WDR90: variants seen among roughly 807,000 people sequenced by gnomAD.
WDR90 encodes the protein WD repeat-containing protein 90.
A neutral mutation model predicts 195.2 loss-of-function variants in WDR90; 238 were observed. The ratio of observed to expected loss-of-function variants is 1.22; its 90% CI spans 1.10 to 1.36. The LOEUF (loss-of-function observed/expected upper bound fraction) is 1.36, where lower values mean the gene tolerates loss of function less well. WDR90 is among the 40% of genes most tolerant of loss of function. WDR90 has a pLI of 0.00. For synonymous variants in WDR90, 1,265 were observed against 1,052.4 expected (o/e 1.20, Z -3.91); for missense variants, 2,734 against 2,439.5 (o/e 1.12, Z -2.54).
rs2037688766 is a variant in WDR90, at chr16:653,644, C to T, written c.1353C>T (p.Ser451=). Residue 451 remains serine (S), a synonymous_variant, in exon 12 of 41, where the codon AGC becomes AGT. Coordinates refer to ENST00000293879, the MANE Select transcript of WDR90 (RefSeq NM_145294.5). ...QTGRCLCLFR[S]PMHVVCSLSF... ...GGCGGTGCTTGTGCCTGTTCCGGAG[C>T]CCAATGCACGTTGTCTGCTCTCTCA... 6.2e-7 allele frequency: 1 copy of T among 1,613,578 alleles called. No homozygotes were observed. The highest frequency in any genetic ancestry group is 8.5e-7 in the Non-Finnish European group (1 of 1,179,984).
intron 34 of WDR90, chr16:663,117 T>C (rs764041066): frequency 1.7e-6 from 1 of 590,326 alleles, no homozygotes; most frequent in South Asian, 1.7e-5. Context: ...TTTGTTTGTT[T>C]GTTTTTTGTT....
chr16:660,161 G>C lies in WDR90; in HGVS notation c.3288G>C (p.Lys1096Asn). The change falls in exon 27 of 41, where the codon AAG (lysine) becomes AAC (asparagine). Residue 1096 changes from lysine to asparagine, a missense_variant and splice_region_variant. Coordinates refer to ENST00000293879, the MANE Select transcript of WDR90 (RefSeq NM_145294.5). The stretch of plus-strand genomic sequence containing the variant: ...TCAGCTGCAGCCCCCACTCTGCCAA[G>C]GTGGGGAGTGGTTTCTGGGAGCCCT... ...ARVSCSPHSA[K>N]GTCPPPASGG... 2 of 1,516,376 alleles carry C rather than the reference G, an allele frequency of 1.3e-6. No homozygotes were observed. Among genetic ancestry groups the C allele is most frequent in the Non-Finnish European group, 1.8e-6 (2 of 1,126,006 alleles). The allele number at this position is 1,516,376 out of a possible 1,614,324, so 93.9% of individuals were successfully genotyped here.
In WDR90 at chr16:661,459, G is replaced by A. The variant is rs781122873; in HGVS notation, c.3631G>A (p.Ala1211Thr). ...TTTCCCCCATAGCACCACCGTGCTG[G>A]CCCTGGCCTTCTCACCAGATGACAG... is the stretch of plus-strand genomic sequence containing the variant. ...LIFPHSTTVL[A>T]LAFSPDDRLL... Residue 1211 changes from alanine (A) to threonine (T), a missense_variant, in exon 30 of 41, where the codon GCC (alanine) becomes ACC (threonine). Ala to Thr is a moderately conservative substitution (Grantham distance 58). Coordinates refer to ENST00000293879, the MANE Select transcript of WDR90 (RefSeq NM_145294.5). 3.7e-6 allele frequency: 6 copies of A among 1,611,590 alleles called. No homozygotes were observed. The highest frequency in any genetic ancestry group is 4.2e-6 in the Non-Finnish European group (5 of 1,179,240).
intron 3 of WDR90, 42 bp downstream of exon 3, chr16:650,209 C>T (rs781022691): frequency 1.9e-6 from 3 of 1,610,432 alleles, no homozygotes; most frequent in African/African-American, 1.3e-5. Context: ...AGCCCCGGCA[C>T]CCCTGCGGCC....
chr16:662,218 A>T lies in WDR90; in HGVS notation c.4034-2A>T. On this transcript the variant is annotated splice_acceptor_variant, in intron 32 of 40. Coordinates refer to ENST00000293879, the MANE Select transcript of WDR90 (RefSeq NM_145294.5). LOFTEE classifies it high-confidence loss of function. ...GCCCCTTATGGCTCCTCCTGCCCCTAGGGCTGTTGCTGTTCTCGGGTTCTC... is the reference window on the plus strand; with the variant it reads ...GCCCCTTATGGCTCCTCCTGCCCCTTGGGCTGTTGCTGTTCTCGGGTTCTC... The T allele has an allele frequency of 6.4e-7, 1 of 1,560,204 alleles. No individual in the cohort carries two copies.
intron 28 of WDR90, 61 bp from the exon 29 acceptor site, chr16:660,990 G>GC (rs1357713857): frequency 5.3e-3 from 116 of 21,722 alleles, no homozygotes; most frequent in South Asian, 0.017. Flanking sequence ...CCCTCCCCAG[G>GC]CCCCTCCCCG....
intron 23 of WDR90, 36 bp downstream of exon 23, chr16:658,689 A>G (rs2037817224): frequency 6.3e-7 from 1 of 1,595,296 alleles, no homozygotes. Context: ...TTTGGCGGTC[A>G]GGAGCCTCCT....
intron 29 of WDR90, 22 bp from the exon 30 acceptor site, chr16:661,320 C>T (rs746306744): frequency 8.9e-6 from 14 of 1,579,080 alleles, no homozygotes; most frequent in South Asian, 3.4e-5. Context: ...TCCCCACTCA[C>T]GCCTGGCCTC....
intron 10 of WDR90, among the ~76,000 whole-genome samples, chr16:653,110 C>T (rs1051933419): frequency 1.3e-5 from 2 of 152,232 alleles, no homozygotes; most frequent in Non-Finnish European, 2.9e-5. Context: ...GTACACGTGT[C>T]TGCTTGAGTG....
rs575394682 is a variant in WDR90, at chr16:661,037, C to A, written c.3392-14C>A. The A allele has an allele frequency of 5.1e-6, 7 of 1,379,730 alleles. No homozygotes were observed. In the East Asian group the frequency reaches 9.7e-5, roughly 19 times the overall value. 85.5% of individuals were successfully genotyped at this position (1,379,730 alleles called of 1,614,324 possible). A position where few individuals can be genotyped will look rare whatever the true frequency, so the allele number is the denominator to read the frequency against. On this transcript the variant is annotated splice_polypyrimidine_tract_variant and intron_variant, in intron 28 of 40. Coordinates refer to ENST00000293879, the MANE Select transcript of WDR90 (RefSeq NM_145294.5). ...CCCCGGCCCGGCCTCAGGCCCCGCC[C>A]TCTCTGCGCACAGGCTTCTTTGCCT...
Position 649,813 on chromosome 16 carries a change from T to A in WDR90, c.61T>A (p.Trp21Arg). 1.3e-6 allele frequency: 2 copies of A among 1,581,540 alleles called. No individual in the cohort carries two copies. Among genetic ancestry groups the A allele is most frequent in the South Asian group, 2.3e-5 (2 of 87,448 alleles). Residue 21 changes from tryptophan to arginine, a missense_variant, in exon 2 of 41, where the codon TGG becomes AGG. Coordinates refer to ENST00000293879, the MANE Select transcript of WDR90 (RefSeq NM_145294.5). ...CTTCAGACACTTCCGGGTGGACGAG[T>A]GGAAGCGCTCCGCCAAGCAGGGGGA... ...NVFRHFRVDE[W>R]KRSAKQGDVA...
rs368199175 is a variant in WDR90, at chr16:658,190, G to A, written c.2612G>A (p.Arg871Gln). The change falls in exon 22 of 41, where the codon CGA becomes CAA. Residue 871 changes from arginine (R) to glutamine (Q), a missense_variant. By Grantham distance (43) the Arg-to-Gln change is conservative (BLOSUM62 1). Coordinates refer to ENST00000293879, the MANE Select transcript of WDR90 (RefSeq NM_145294.5). ...ACTTACCACTACCCCCAGCTGCTGC[G>A]AGTTGACATCGGCACTCTGGACCTG... is the stretch of plus-strand genomic sequence containing the variant. ...MGSASLDELL[R>Q]VDIGTLDLAS... is the part of the protein sequence containing the mutation. 98 of 1,608,586 alleles carry A rather than the reference G, an allele frequency of 6.1e-5. No homozygotes were observed. In the African/African-American group the frequency reaches 1.1e-3, roughly 17 times the overall value.
Position 649,529 on chromosome 16 carries a change from C to T in WDR90, c.10+103C>T, listed in dbSNP as rs1372754760. ...CAGGGCCCCCGCCTAGGCCCTGAGG[C>T]CAGAGTCCCCGCTCAGGCAGGGTCC... is the stretch of plus-strand genomic sequence containing the variant. On this transcript the variant is annotated intron_variant, in intron 1 of 40. Coordinates refer to ENST00000293879, the MANE Select transcript of WDR90 (RefSeq NM_145294.5). The T allele has an allele frequency of 4.0e-6, 5 of 1,256,154 alleles. No individual in the cohort carries two copies. The African/African-American group carries it at 7.9e-5, about 20-fold the overall frequency. 77.8% of individuals were successfully genotyped at this position (1,256,154 alleles called of 1,614,324 possible). A position where few individuals can be genotyped will look rare whatever the true frequency, so the allele number is the denominator to read the frequency against.
rs1464649443 is a variant in WDR90, at chr16:666,656, A to T, written c.4885-17A>T. On this transcript the variant is annotated splice_polypyrimidine_tract_variant and intron_variant, in intron 38 of 40. Coordinates refer to ENST00000293879, the MANE Select transcript of WDR90 (RefSeq NM_145294.5). ...CGGTACCCATCCACCCCACCGCAGC[A>T]TGCTGCGCCTTTGCAGACTCAGGGC... The T allele has an allele frequency of 1.2e-6, 2 of 1,611,998 alleles. No homozygotes were observed. Among genetic ancestry groups the T allele is most frequent in the East Asian group, 2.2e-5 (1 of 44,872 alleles).
chr16:662,254 C>G lies in WDR90; in HGVS notation c.4068C>G (p.Ser1356Arg). 1 of 1,583,240 alleles carries G rather than the reference C, an allele frequency of 6.3e-7. No individual in the cohort carries two copies. The highest frequency in any genetic ancestry group is 8.6e-7 in the Non-Finnish European group (1 of 1,165,924). ...LLLFSGSRLV[S>R]GSSTGRLRLW... The stretch of plus-strand genomic sequence containing the variant: ...TGTTCTCGGGTTCTCGATTGGTCAG[C>G]GGCAGCAGCACGGGGCGGCTGCGCC... Residue 1356 changes from serine to arginine, a missense_variant, in exon 33 of 41, where the codon AGC (serine) becomes AGG (arginine). Ser to Arg is a moderately radical substitution (Grantham distance 110). Transcript: ENST00000293879.
Position 650,701 on chromosome 16 carries a change from TTGAGCC to T in WDR90, c.554_559del (p.Glu185_Pro186del). The T allele has an allele frequency of 1.9e-6, 3 of 1,607,772 alleles. No homozygotes were observed. Among genetic ancestry groups the T allele is most frequent in the Non-Finnish European group, 2.6e-6 (3 of 1,175,816 alleles). Reference sequence around the variant, plus strand: ...AACCTGTACACCAGTGACCTGTGCTTTGAGCCTGGTGAGGGCCGCACCTGCACTCCC... The same window carrying T: ...AACCTGTACACCAGTGACCTGTGCTTTGGTGAGGGCCGCACCTGCACTCCC... On this transcript the variant is annotated inframe_deletion and splice_region_variant, in exon 5 of 41. Coordinates refer to ENST00000293879, the MANE Select transcript of WDR90 (RefSeq NM_145294.5).
At position 662,708 on chromosome 16, in the gene WDR90, T is replaced by C. The variant is rs1286691219; in HGVS notation, c.4175T>C (p.Leu1392Pro). 2 of 1,570,864 alleles carry C rather than the reference T, an allele frequency of 1.3e-6. No homozygotes were observed. The highest frequency in any genetic ancestry group is 1.7e-6 in the Non-Finnish European group (2 of 1,154,256). ...SSVFMEHELV[L>P]DGAVVSASFD... ...GTGTTCATGGAACACGAGCTGGTGC[T>C]GGACGGGGCTGTGGTGAGTGCCAGC... Residue 1392 changes from leucine to proline, a missense_variant, in exon 34 of 41, where the codon CTG becomes CCG. Leu to Pro is a moderately conservative substitution (Grantham distance 98, BLOSUM62 -3). Transcript: ENST00000293879.
chr16:656,197 T>G (rs1596462517), intron 17 of WDR90, 105 bp from the exon 18 acceptor site: 2 of 1,103,434 alleles, frequency 1.8e-6, no homozygotes, highest in South Asian at 1.5e-5. Flanking sequence ...CCTGGGACTT[T>G]GAGCAGCAGG....
chr16:651,098 C>T lies in WDR90; in HGVS notation c.663C>T (p.His221=), dbSNP rs772963712. 6.9e-6 allele frequency: 11 copies of T among 1,603,646 alleles called. No homozygotes were observed. The highest frequency in any genetic ancestry group is 3.3e-5 in the South Asian group (3 of 90,946). ...AGAGCTGGCATGACCGCTACATCCA[C>T]GTCCGGTGAGTGGTTCTGCTTCTTT... ...KGESWHDRYI[H]VRFPSESLKV... Residue 221 remains histidine, a synonymous_variant, in exon 6 of 41, where the codon CAC becomes CAT. Coordinates refer to ENST00000293879, the MANE Select transcript of WDR90 (RefSeq NM_145294.5).
Sources: allele counts gnomAD v4.1 joint callset (sites outside exome capture counted in the v4.1 genomes callset), GRCh38; gene constraint gnomAD v4.1.1; transcripts MANE v1.5; gene names NCBI Gene and HGNC (gene_info 2026-07-23, HGNC 2026-07-21).